The following HMCN1 variants were observed in gnomAD, a reference collection of about 807,000 sequenced individuals.
HMCN1 encodes hemicentin 1.
Under a neutral mutation model 625.9 loss-of-function variants are expected in HMCN1, and 321 were observed. The ratio of observed to expected loss-of-function variants is 0.51; its 90% CI spans 0.47 to 0.56. HMCN1 has a LOEUF of 0.56. Among genes scored for constraint, HMCN1 ranks in the 20% least tolerant of loss-of-function variants. The pLI is 0.00. For missense variants in HMCN1, 6,588 were observed against 6,887.3 expected (o/e 0.96, Z 1.54); for synonymous variants, 2,425 against 2,417.6 (o/e 1.00, Z -0.09).
intron 36 of HMCN1, among the ~76,000 whole-genome samples, chr1:186,029,968 T>C (rs1465652197): frequency 6.6e-6 from 1 of 152,154 alleles, no homozygotes; most frequent in Admixed American, 6.5e-5. Flanking sequence ...ATTTCTTCTC[T>C]GACCAATAGT....
chr1:186,134,594 C>T (rs1320953168), intron 86 of HMCN1, among the ~76,000 whole-genome samples: 1 of 152,102 alleles, frequency 6.6e-6, no homozygotes, highest in East Asian at 1.9e-4. Flanking sequence ...TCAAACCTCA[C>T]ATGAAGGAAT....
chr1:186,129,002 T>C (rs761696925), intron 83 of HMCN1, among the ~76,000 whole-genome samples: 80 of 152,036 alleles, frequency 5.3e-4, no homozygotes, highest in Non-Finnish European at 7.5e-4. Flanking sequence ...CATTAGTTAA[T>C]GTTAATTCCA....
At chr1:186,132,539 C>G in intron 86 of HMCN1, 130 bp downstream of exon 86, 1 of 741,842 alleles carries the variant, frequency 1.3e-6, no homozygotes, top group Non-Finnish European at 2.4e-6. Flanking sequence ...ATTTAGTTTT[C>G]TGCTGCTGAT....
intron 1 of HMCN1, among the ~76,000 whole-genome samples, chr1:185,830,222 C>A (rs2102287292): frequency 1.3e-5 from 2 of 152,122 alleles, no homozygotes; most frequent in East Asian, 1.9e-4. Flanking sequence ...ATGATAGTTT[C>A]TTTTGCTTTG....
chr1:185,801,796 G>C (rs1436648527), intron 1 of HMCN1, among the ~76,000 whole-genome samples: 2 of 152,178 alleles, frequency 1.3e-5, no homozygotes, highest in Non-Finnish European at 2.9e-5. Context: ...TGTGGAGGGA[G>C]TTAAGGATGG....
chr1:186,163,880 AT>A (rs1651690547), intron 97 of HMCN1, among the ~76,000 whole-genome samples: 1 of 152,134 alleles, frequency 6.6e-6, no homozygotes, highest in Non-Finnish European at 1.5e-5. Context: ...AACTTCCCAA[AT>A]TCCACCTATT....
intron 70 of HMCN1, among the ~76,000 whole-genome samples, chr1:186,108,059 A>T (rs1344683936): frequency 7.9e-6 from 1 of 127,016 alleles, no homozygotes; most frequent in African/African-American, 3.0e-5. Context: ...AAAAAAAAAA[A>T]GTCACATGAA....
chr1:186,001,202 T>C, intron 26 of HMCN1, 96 bp from the exon 27 acceptor site: 1 of 1,069,496 alleles, frequency 9.4e-7, no homozygotes, highest in South Asian at 1.4e-5. Flanking sequence ...AGCCATCAAA[T>C]ATTTCAGAAT....
In HMCN1 at chr1:186,145,237, G is replaced by A. The variant is rs189471011; in HGVS notation, c.14267-166G>A. ...GCATACTCAGTTTCTAGTCAAAACC[G>A]AAGCTAAACTATCTTCCTTTGGAAG... On this transcript the variant is annotated intron_variant, in intron 91 of 106. Transcript: ENST00000271588. Among the ~76,000 whole-genome samples the A allele has an allele frequency of 1.8e-3, 268 of 152,330 alleles. 2 individuals carry two copies. The highest frequency in any genetic ancestry group is 1.4e-3 in the Non-Finnish European group (95 of 68,026).
chr1:186,161,997 A>G (rs1651521506), intron 97 of HMCN1, among the ~76,000 whole-genome samples: 2 of 152,284 alleles, frequency 1.3e-5, no homozygotes, highest in Middle Eastern at 3.4e-3. Flanking sequence ...TCTCCTGGAT[A>G]ATATCCTGCA....
Position 185,734,929 on chromosome 1 carries a change from T to G in HMCN1, c.150T>G (p.Gly50=). The change falls in exon 1 of 107, where the codon GGT becomes GGG. Residue 50 remains glycine (G), a synonymous_variant. Coordinates refer to ENST00000271588, the MANE Select transcript of HMCN1 (RefSeq NM_031935.3). ...TGGCTTTTGTGTTTGATGTGACTGG[T>G]TCTATGTATGATGATTTAGTTCAGG... ...STLAFVFDVT[G]SMYDDLVQVI... is the part of the protein sequence containing the mutation. 1 of 1,614,140 alleles carries G rather than the reference T, an allele frequency of 6.2e-7. No individual in the cohort carries two copies. Among genetic ancestry groups the G allele is most frequent in the Non-Finnish European group, 8.5e-7 (1 of 1,180,028 alleles).
At chr1:186,150,658 T>G (rs1020301710) in intron 93 of HMCN1, among the ~76,000 whole-genome samples, 4 of 152,246 alleles carry the variant, frequency 2.6e-5, no homozygotes, top group Non-Finnish European at 5.9e-5. Flanking sequence ...TTTTCCTGGA[T>G]GTTCTCATGA....
At chr1:186,089,018 T>C (rs542043767) in intron 63 of HMCN1, among the ~76,000 whole-genome samples, 1 of 152,136 alleles carries the variant, frequency 6.6e-6, no homozygotes, top group South Asian at 2.1e-4. Flanking sequence ...ATTATCTTTC[T>C]ATAGTATATA....
intron 44 of HMCN1, 64 bp downstream of exon 44, chr1:186,054,050 TA>T (rs1657145265): frequency 6.8e-7 from 1 of 1,479,846 alleles, no homozygotes; most frequent in African/African-American, 1.4e-5. Context: ...CCTTCTCATT[TA>T]CTTTTAAAAA....
chr1:186,130,728 T>G, intron 85 of HMCN1, 31 bp downstream of exon 85: 5 of 1,595,964 alleles, frequency 3.1e-6, no homozygotes, highest in Non-Finnish European at 4.3e-6. Context: ...TGATGCACCT[T>G]TAAACCCCCA....
intron 1 of HMCN1, among the ~76,000 whole-genome samples, chr1:185,828,651 C>T (rs1394921972): frequency 6.6e-6 from 1 of 151,994 alleles, no homozygotes; most frequent in East Asian, 1.9e-4. Flanking sequence ...AAGAGTCAAT[C>T]CTATACAGCA....
At chr1:185,831,141 A>G (rs1660830929) in intron 1 of HMCN1, among the ~76,000 whole-genome samples, 1 of 152,290 alleles carries the variant, frequency 6.6e-6, no homozygotes, top group Admixed American at 6.5e-5. Context: ...GTTCATGCAA[A>G]TAATTATAAA....
intron 4 of HMCN1, among the ~76,000 whole-genome samples, chr1:185,885,153 A>G (rs1469254916): frequency 6.6e-6 from 1 of 151,772 alleles, no homozygotes; most frequent in Non-Finnish European, 1.5e-5. Context: ...TCAGAGGAGC[A>G]AAAGTTATTA....
At chr1:185,811,587 C>A (rs1055532740) in intron 1 of HMCN1, among the ~76,000 whole-genome samples, 5 of 151,670 alleles carry the variant, frequency 3.3e-5, no homozygotes, top group African/African-American at 1.2e-4. Context: ...CAGAGCAAGA[C>A]CCTGTCTCTT....
Sources: gnomAD v4.1 joint callset for allele counts (sites outside exome capture counted in the v4.1 genomes callset) on GRCh38, gnomAD v4.1.1 for gene constraint, MANE v1.5 for transcripts, NCBI Gene and HGNC (gene_info 2026-07-23, HGNC 2026-07-21) for gene names.